The following RBM27 variants were observed in gnomAD, a reference collection of about 807,000 sequenced individuals.
RBM27 encodes RNA binding motif protein 27.
In RBM27, 22 loss-of-function variants were observed where a neutral mutation model predicts 135.3. The ratio of observed to expected loss-of-function variants is 0.16; its 90% confidence interval spans 0.12 to 0.23. RBM27 has a LOEUF of 0.23. Ranked by LOEUF, RBM27 falls within the 10% of genes least tolerant of loss-of-function variation. The pLI is 1.00. For synonymous variants in RBM27, 481 were observed against 442.4 expected (o/e 1.09, Z -1.10); for missense variants, 1,009 against 1,281.0 (o/e 0.79, Z 3.24).
intron 7 of RBM27, among the ~76,000 whole-genome samples, chr5:146,236,088 A>C (rs956123541): frequency 5.3e-5 from 8 of 152,238 alleles, no homozygotes; most frequent in African/African-American, 1.9e-4. Flanking sequence ...TTATATATGG[A>C]AATTCTAAAA....
chr5:146,230,430 G>A (rs75793672), intron 5 of RBM27, among the ~76,000 whole-genome samples: 4 of 152,272 alleles, frequency 2.6e-5, no homozygotes, highest in East Asian at 1.9e-4. Flanking sequence ...TGTAACTGAT[G>A]TTGATACTAT....
chr5:146,208,366 G>A (rs1167721196), intron 1 of RBM27, among the ~76,000 whole-genome samples: 1 of 152,156 alleles, frequency 6.6e-6, no homozygotes, highest in South Asian at 2.1e-4. Context: ...CCCTTTGTAG[G>A]TGGCGAACAT....
At chr5:146,237,081 G>A (rs1045545204) in intron 7 of RBM27, among the ~76,000 whole-genome samples, 3 of 151,960 alleles carry the variant, frequency 2.0e-5, no homozygotes, top group African/African-American at 7.3e-5. Context: ...TGGGATTACA[G>A]GCATGTGCCA....
chr5:146,245,953 T>C (rs1581190994), intron 8 of RBM27, among the ~76,000 whole-genome samples: 1 of 152,338 alleles, frequency 6.6e-6, no homozygotes, highest in East Asian at 1.9e-4. Context: ...CCCCCTTGTA[T>C]TTGACCTGAT....
chr5:146,251,283 TG>T (rs1285181982), intron 8 of RBM27, among the ~76,000 whole-genome samples: 4 of 152,152 alleles, frequency 2.6e-5, no homozygotes, highest in Non-Finnish European at 5.9e-5. Flanking sequence ...TGAAATTATG[TG>T]GGTTGGTTGG....
chr5:146,204,973 C>G (rs2126655806), intron 1 of RBM27, among the ~76,000 whole-genome samples: 1 of 152,286 alleles, frequency 6.6e-6, no homozygotes, highest in African/African-American at 2.4e-5. Context: ...TTTCGGCTCA[C>G]TGCAACCTCC....
intron 7 of RBM27, 146 bp downstream of exon 7, chr5:146,233,889 C>A: frequency 1.8e-6 from 1 of 560,268 alleles, no homozygotes; most frequent in Non-Finnish European, 2.8e-6. Context: ...AGATGCTATT[C>A]TTTTCTTTTT....
intron 13 of RBM27, 53 bp downstream of exon 13, chr5:146,261,859 G>A (rs1419881130): frequency 6.3e-7 from 1 of 1,580,268 alleles, no homozygotes; most frequent in African/African-American, 1.3e-5. Context: ...CTCTAGATCA[G>A]TATTTTTCAA....
chr5:146,263,996 A>AC (rs906530920), intron 14 of RBM27, among the ~76,000 whole-genome samples: 1 of 151,440 alleles, frequency 6.6e-6, no homozygotes, highest in Non-Finnish European at 1.5e-5. Context: ...AATCCCAGCT[A>AC]CCCGGGAGGC....
At chr5:146,212,206 C>G (rs890889337) in intron 1 of RBM27, among the ~76,000 whole-genome samples, 1 of 152,128 alleles carries the variant, frequency 6.6e-6, no homozygotes, top group Admixed American at 6.6e-5. Flanking sequence ...CAGGCACGCG[C>G]CACCACGCCT....
At chr5:146,244,752 G>A (rs13159194) in intron 8 of RBM27, among the ~76,000 whole-genome samples, 4 of 151,258 alleles carry the variant, frequency 2.6e-5, no homozygotes, top group African/African-American at 9.7e-5. Context: ...TATTGCCGAG[G>A]CTGATCTTGA....
intron 2 of RBM27, among the ~76,000 whole-genome samples, chr5:146,220,569 A>G (rs1756415607): frequency 6.6e-6 from 1 of 151,434 alleles, no homozygotes; most frequent in African/African-American, 2.4e-5. Context: ...CAGTTGATTT[A>G]GCTATTGGTG....
intron 19 of RBM27, among the ~76,000 whole-genome samples, chr5:146,278,560 C>T (rs1166883659): frequency 6.6e-6 from 1 of 151,910 alleles, no homozygotes; most frequent in African/African-American, 2.4e-5. Context: ...TATACAACAC[C>T]GTTTTGCCAT....
chr5:146,216,558 A>C (rs1317834345), intron 1 of RBM27, among the ~76,000 whole-genome samples: 1 of 152,142 alleles, frequency 6.6e-6, no homozygotes, highest in Non-Finnish European at 1.5e-5. Context: ...TTTACAATAT[A>C]TTTATCAATT....
intron 1 of RBM27, 44 bp downstream of exon 1, chr5:146,203,868 G>C: frequency 2.7e-6 from 4 of 1,499,388 alleles, no homozygotes; most frequent in Non-Finnish European, 3.6e-6. Context: ...CGTGGGCGTT[G>C]GGGGCTCGCG....
intron 15 of RBM27, among the ~76,000 whole-genome samples, chr5:146,268,187 G>T (rs1228215265): frequency 1.3e-5 from 2 of 151,844 alleles, no homozygotes; most frequent in African/African-American, 4.8e-5. Flanking sequence ...TAACAGGAGG[G>T]TGGGAGGCAA....
In RBM27 at chr5:146,229,012, A is replaced by C; in HGVS notation, c.370A>C (p.Thr124Pro). ...AAAGAAATATCCTAGTCCCCAGAAG[A>C]CTCGTTCAGAATCTAGTGAACGAAG... is the stretch of plus-strand genomic sequence containing the variant. ...RKKKYPSPQK[T>P]RSESSERRTR... Residue 124 changes from threonine to proline, a missense_variant, in exon 4 of 21, where the codon ACT becomes CCT. Around this residue, in one of 6 missense-constraint regions of RBM27, gnomAD observed 268 missense variants for 326.6 expected, o/e 0.82. Coordinates refer to ENST00000265271, the MANE Select transcript of RBM27 (RefSeq NM_018989.2). The C allele has an allele frequency of 6.2e-7, 1 of 1,613,660 alleles. No individual in the cohort carries two copies. Among genetic ancestry groups the C allele is most frequent in the Non-Finnish European group, 8.5e-7 (1 of 1,179,772 alleles).
intron 3 of RBM27, among the ~76,000 whole-genome samples, chr5:146,226,667 C>T (rs929739250): frequency 6.6e-6 from 1 of 151,912 alleles, no homozygotes; most frequent in African/African-American, 2.4e-5. Context: ...AGGTGTGAGC[C>T]ACTGCACCCA....
At chr5:146,235,869 T>C (rs1222534950) in intron 7 of RBM27, among the ~76,000 whole-genome samples, 1 of 151,984 alleles carries the variant, frequency 6.6e-6, no homozygotes, top group Non-Finnish European at 1.5e-5. Flanking sequence ...TTTTGGACTT[T>C]TTTGTAGAGA....
Sources: gnomAD v4.1 joint callset for allele counts (sites outside exome capture counted in the v4.1 genomes callset) on GRCh38, gnomAD v4.1.1 for gene constraint, gnomAD v4.1.1 regional missense constraint, MANE v1.5 for transcripts, NCBI Gene and HGNC (gene_info 2026-07-23, HGNC 2026-07-21) for gene names.